KCNN2: variants seen among roughly 807,000 people sequenced by gnomAD.
KCNN2 encodes the protein potassium calcium-activated channel subfamily N member 2.
A neutral mutation model predicts 55.5 loss-of-function variants in KCNN2; 24 were observed. That is an observed-to-expected ratio of 0.43 (90% CI 0.31 to 0.61). KCNN2 has a LOEUF of 0.61. Ranked by LOEUF, KCNN2 falls within the 20% of genes least tolerant of loss-of-function variation. KCNN2 has a pLI of 0.08. For synonymous variants in KCNN2, 431 were observed against 336.1 expected (o/e 1.28, Z -3.09); for missense variants, 754 against 853.6 (o/e 0.88, Z 1.45).
At chr5:114,112,226 C>T (rs561197434) in intron 1 of KCNN2, among the ~76,000 whole-genome samples, 29 of 151,950 alleles carry the variant, frequency 1.9e-4, no homozygotes, top group Admixed American at 1.8e-3. Flanking sequence ...ACTATCACAA[C>T]GGCAGAAAAC....
chr5:114,241,832 A>ATG lies in KCNN2; in HGVS notation c.-185+20268_-185+20269insGT, dbSNP rs1754648357. On this transcript the variant is annotated intron_variant, in intron 2 of 10. Coordinates refer to the KCNN2 transcript ENST00000512097. ...TATATATATATATGTGTGTATATATATATATATATATATGGAGTGTGAAGG... is the reference window on the plus strand; with the variant it reads ...TATATATATATATGTGTGTATATATATGTATATATATATATGGAGTGTGAAGG... 3.1e-4 allele frequency among the ~76,000 whole-genome samples: 36 copies of ATG among 117,002 alleles called. 6 individuals carry two copies. The highest frequency in any genetic ancestry group is 1.1e-3 in the African/African-American group (32 of 29,264). 76.8% of individuals were successfully genotyped at this position (117,002 alleles called of 152,430 possible).
At chr5:114,250,264 A>C (rs1200649645) in intron 2 of KCNN2, among the ~76,000 whole-genome samples, 2 of 152,140 alleles carry the variant, frequency 1.3e-5, no homozygotes, top group Non-Finnish European at 2.9e-5. Flanking sequence ...TGTATCCCCA[A>C]AGTCAGCATG....
chr5:114,164,281 C>T (rs1580578320), intron 1 of KCNN2, among the ~76,000 whole-genome samples: 1 of 152,100 alleles, frequency 6.6e-6, no homozygotes, highest in Admixed American at 6.6e-5. Flanking sequence ...GTAAGAAGTA[C>T]TTGTACCAGG....
chr5:114,362,935 G>GCCGCCC lies in KCNN2; in HGVS notation c.801_802insCCCGCC (p.Ala267_Ala268insProAla). On this transcript the variant is annotated inframe_insertion, in exon 1 of 8. Coordinates refer to ENST00000673685, the MANE Select transcript of KCNN2 (RefSeq NM_021614.4). ...CGCGTCCTCCCCGTCTGCAGCCGCTGCCGCCGCCGCCGCTGTTTCGTCCTC... is the reference window on the plus strand; with the variant it reads ...CGCGTCCTCCCCGTCTGCAGCCGCTGCCGCCCCCGCCGCCGCCGCTGTTTCGTCCTC... The GCCGCCC allele has an allele frequency of 1.4e-6, 2 of 1,439,484 alleles. No homozygotes were observed. Among genetic ancestry groups the GCCGCCC allele is most frequent in the Non-Finnish European group, 1.8e-6 (2 of 1,092,578 alleles). The allele number at this position is 1,439,484 out of a possible 1,614,324, so 89.2% of individuals were successfully genotyped here.
intron 5 of KCNN2, among the ~76,000 whole-genome samples, chr5:114,476,793 A>C (rs1761988606): frequency 6.6e-6 from 1 of 152,200 alleles, no homozygotes; most frequent in South Asian, 2.1e-4. Flanking sequence ...CTAGAAGAAA[A>C]CAGATTGCTG....
intron 1 of KCNN2, among the ~76,000 whole-genome samples, chr5:114,180,210 A>G (rs1005691372): frequency 9.9e-5 from 15 of 151,542 alleles, no homozygotes; most frequent in Non-Finnish European, 1.8e-4. Context: ...CCATATAGAC[A>G]TTTTTTTTTC....
intron 1 of KCNN2, among the ~76,000 whole-genome samples, chr5:114,139,125 T>C (rs185221180): frequency 4.6e-4 from 70 of 152,306 alleles, no homozygotes; most frequent in African/African-American, 1.5e-3. Flanking sequence ...ATTTAGTAAC[T>C]AATCCATTTA....
intron 1 of KCNN2, among the ~76,000 whole-genome samples, chr5:114,134,458 G>GATTTATTTATTT (rs368773249): frequency 0.029 from 4,016 of 137,284 alleles, 101 homozygotes; most frequent in Admixed American, 0.081. Flanking sequence ...ATCCAACCAT[G>GATTTATTTATTT]ATTTATTTAT....
chr5:114,400,859 A>G (rs145902624), intron 2 of KCNN2, among the ~76,000 whole-genome samples: 210 of 152,276 alleles, frequency 1.4e-3, no homozygotes, highest in African/African-American at 4.7e-3. Context: ...GACCACATCT[A>G]CTGTCATCTC....
intron 3 of KCNN2, among the ~76,000 whole-genome samples, chr5:114,452,654 C>A (rs1170448973): frequency 6.6e-6 from 1 of 152,168 alleles, no homozygotes; most frequent in African/African-American, 2.4e-5. Context: ...CATGGCTTCA[C>A]CCCCGGAGAC....
At chr5:114,298,624 C>G (rs1233906656) in intron 2 of KCNN2, among the ~76,000 whole-genome samples, 2 of 152,002 alleles carry the variant, frequency 1.3e-5, no homozygotes, top group Non-Finnish European at 2.9e-5. Context: ...AAGAAATAAT[C>G]CTGAATAGAA....
chr5:114,155,505 C>T (rs572715799), intron 1 of KCNN2, among the ~76,000 whole-genome samples: 30 of 152,308 alleles, frequency 2.0e-4, no homozygotes, highest in Middle Eastern at 3.4e-3. Context: ...CTCCCTTCAA[C>T]AGTGTATAAA....
At chr5:114,470,602 A>G (rs1481356797) in intron 4 of KCNN2, among the ~76,000 whole-genome samples, 1 of 152,196 alleles carries the variant, frequency 6.6e-6, no homozygotes, top group Non-Finnish European at 1.5e-5. Flanking sequence ...TCCAAAGGCC[A>G]TTCTTTTCTT....
At chr5:114,301,143 A>G (rs1407818166) in intron 2 of KCNN2, among the ~76,000 whole-genome samples, 2 of 151,948 alleles carry the variant, frequency 1.3e-5, no homozygotes, top group Non-Finnish European at 2.9e-5. Context: ...CGTCTCCAAT[A>G]GCACTGTTTT....
chr5:114,145,944 T>C (rs1370852382), intron 1 of KCNN2, among the ~76,000 whole-genome samples: 1 of 152,184 alleles, frequency 6.6e-6, no homozygotes, highest in East Asian at 1.9e-4. Flanking sequence ...GATGTGCTAG[T>C]TGTTTCCTGC....
intron 3 of KCNN2, among the ~76,000 whole-genome samples, chr5:114,446,911 ATC>A (rs1303833469): frequency 6.6e-6 from 1 of 152,190 alleles, no homozygotes; most frequent in Non-Finnish European, 1.5e-5. Flanking sequence ...CAGTCGATCA[ATC>A]AATCAAAATT....
At chr5:114,242,558 C>A (rs930313021) in intron 2 of KCNN2, among the ~76,000 whole-genome samples, 1 of 152,130 alleles carries the variant, frequency 6.6e-6, no homozygotes. Context: ...TCAACTATTT[C>A]TCTACTTAGT....
chr5:114,451,345 C>T (rs889096099), intron 3 of KCNN2, among the ~76,000 whole-genome samples: 3 of 152,040 alleles, frequency 2.0e-5, no homozygotes, highest in African/African-American at 7.2e-5. Flanking sequence ...AGTAAGTTGT[C>T]TATATCCCAA....
chr5:114,305,435 T>C (rs1320596923), intron 2 of KCNN2, among the ~76,000 whole-genome samples: 1 of 152,118 alleles, frequency 6.6e-6, no homozygotes, highest in Non-Finnish European at 1.5e-5. Context: ...ATGTATGTTA[T>C]CTCTGTGTTG....
Sources: allele counts gnomAD v4.1 joint callset (sites outside exome capture counted in the v4.1 genomes callset), GRCh38; gene constraint gnomAD v4.1.1; transcripts MANE v1.5; gene names NCBI Gene and HGNC (gene_info 2026-07-23, HGNC 2026-07-21).